The following HSF4 variants were observed in gnomAD, a reference collection of about 807,000 sequenced individuals.
The protein encoded by HSF4 is heat shock transcription factor 4, also known as heat shock factor protein 4.
Under a neutral mutation model 52.0 loss-of-function variants are expected in HSF4, and 41 were observed. The observed-to-expected ratio is 0.79, with a 90% CI of 0.61 to 1.02. HSF4 has a LOEUF of 1.02. Among genes scored for constraint, HSF4 ranks in the 50% least tolerant of loss-of-function variants. The pLI is 0.00. For missense variants in HSF4, 610 were observed against 651.1 expected (o/e 0.94, Z 0.69); for synonymous variants, 285 against 273.0 (o/e 1.04, Z -0.43).
Position 67,167,764 on chromosome 16 carries a change from G to A in HSF4, c.899G>A (p.Gly300Glu). Reference sequence around the variant, plus strand: ...CTCAAAGAAGAGCCGGCCAGTCCAGGGGGGGATGGCGAGGCCGGGCTGGCC... The same window carrying A: ...CTCAAAGAAGAGCCGGCCAGTCCAGAGGGGGATGGCGAGGCCGGGCTGGCC... Reference protein sequence around the residue: ...ALLKEEPASPGGDGEAGLALA... With the variant: ...ALLKEEPASPEGDGEAGLALA... Residue 300 changes from glycine (G) to glutamate (E), a missense_variant, in exon 9 of 13, where the codon GGG becomes GAG. Transcript: ENST00000521374. The A allele has an allele frequency of 2.5e-6, 4 of 1,605,642 alleles. No individual in the cohort carries two copies. The highest frequency in any genetic ancestry group is 3.4e-6 in the Non-Finnish European group (4 of 1,176,590).
chr16:67,167,050 G>C, intron 6 of HSF4, 70 bp from the exon 7 acceptor site: 1 of 1,608,358 alleles, frequency 6.2e-7, no homozygotes, highest in Non-Finnish European at 8.5e-7. Flanking sequence ...GGGAGGGAGG[G>C]AAGTGCAGGC....
chr16:67,167,770 A>G lies in HSF4; in HGVS notation c.905A>G (p.Asp302Gly). The G allele has an allele frequency of 6.2e-7, 1 of 1,603,384 alleles. No homozygotes were observed. Among genetic ancestry groups the G allele is most frequent in the Non-Finnish European group, 8.5e-7 (1 of 1,175,558 alleles). Reference protein sequence around the residue: ...LKEEPASPGGDGEAGLALAPN... With the variant: ...LKEEPASPGGGGEAGLALAPN... ...GAAGAGCCGGCCAGTCCAGGGGGGG[A>G]TGGCGAGGCCGGGCTGGCCCTGGCC... Residue 302 changes from aspartate to glycine, a missense_variant, in exon 9 of 13, where the codon GAT becomes GGT. Physicochemically the swap from Asp to Gly is moderately conservative, Grantham distance 94. Transcript: ENST00000521374.
chr16:67,165,749 A>C lies in HSF4; in HGVS notation c.263A>C (p.Gln88Pro). ...TTTCGGAAGGTGGTGAGCATCGAGC[A>C]GGGCGGCCTGCTTAGGCCGGAGCGC... ...YGFRKVVSIE[Q>P]GGLLRPERDH... The change falls in exon 3 of 13, where the codon CAG becomes CCG. Residue 88 changes from glutamine to proline, a missense_variant. Physicochemically the swap from Gln to Pro is moderately conservative, Grantham distance 76. Transcript: ENST00000521374. This position sits in a 1 kb window ranked among gnomAD's most constrained non-coding sequence, Gnocchi z 6.9. 6.2e-7 allele frequency: 1 copy of C among 1,611,622 alleles called. No homozygotes were observed. Among genetic ancestry groups the C allele is most frequent in the East Asian group, 2.2e-5 (1 of 44,844 alleles).
In HSF4 at chr16:67,166,646, C is replaced by T. The variant is rs1418504097; in HGVS notation, c.626+24C>T. On this transcript the variant is annotated intron_variant, in intron 6 of 12. Coordinates refer to ENST00000521374, the MANE Select transcript of HSF4 (RefSeq NM_001374675.1). ...CTGTGAGTGAGAAAGCCAAGAAGGC[C>T]CACACCCACTTCCAAGACCCCCCAG... 6 of 1,609,782 alleles carry T rather than the reference C, an allele frequency of 3.7e-6. No homozygotes were observed. The African/African-American group carries it at 4.0e-5, about 11-fold the overall frequency.
rs773147162 is a variant in HSF4 at position 67,164,887 on chromosome 16, G to C, written c.76G>C (p.Ala26Pro). Reference sequence around the variant, plus strand: ...GCCTGCCTTCCTCGGCAAGCTATGGGCGCTGGTGGGGGACCCAGGCACAGA... The same window carrying C: ...GCCTGCCTTCCTCGGCAAGCTATGGCCGCTGGTGGGGGACCCAGGCACAGA... Reference protein sequence around the residue: ...PVPAFLGKLWALVGDPGTDHL... With the variant: ...PVPAFLGKLWPLVGDPGTDHL... The change falls in exon 1 of 13, where the codon GCG becomes CCG. Residue 26 changes from alanine to proline, a missense_variant. Coordinates refer to ENST00000521374, the MANE Select transcript of HSF4 (RefSeq NM_001374675.1). 1 of 1,608,054 alleles carries C rather than the reference G, an allele frequency of 6.2e-7. No individual in the cohort carries two copies. The highest frequency in any genetic ancestry group is 1.7e-5 in the Admixed American group (1 of 59,766).
rs1231023138 is a variant in HSF4, at chr16:67,165,940, C to T, written c.361-6C>T. 5 of 1,578,724 alleles carry T rather than the reference C, an allele frequency of 3.2e-6. No homozygotes were observed. The East Asian group carries it at 9.2e-5, about 29-fold the overall frequency. Reference sequence around the variant, plus strand: ...ACCCAGTCCCGACGGTGCCTCCCGCCTGCAGGTGCCCGCGCTGCGCGGCGA... The same window carrying T: ...ACCCAGTCCCGACGGTGCCTCCCGCTTGCAGGTGCCCGCGCTGCGCGGCGA... On this transcript the variant is annotated splice_region_variant and splice_polypyrimidine_tract_variant and intron_variant, in intron 3 of 12. Transcript: ENST00000521374. This position sits in a 1 kb window ranked among gnomAD's most constrained non-coding sequence, Gnocchi z 6.9.
At chr16:67,164,183 T>C, upstream of HSF4, 1 of 531,550 alleles carries the variant, frequency 1.9e-6, no homozygotes, top group Non-Finnish European at 3.5e-6. Context: ...TGTTTCTGCG[T>C]CCTATTAAAG....
At chr16:67,164,991 G>C in intron 1 of HSF4, 57 bp downstream of exon 1, 1 of 1,511,564 alleles carries the variant, frequency 6.6e-7, no homozygotes. Flanking sequence ...CCACGTCAGT[G>C]AACACCCATG....
rs753215034 is a variant in HSF4 at position 67,164,762 on chromosome 16, C to G, written c.-50C>G. The G allele has an allele frequency of 8.4e-6, 13 of 1,552,910 alleles. No homozygotes were observed. Among genetic ancestry groups the G allele is most frequent in the Non-Finnish European group, 1.1e-5 (13 of 1,159,378 alleles). ...AACGCAGCACTTTCCGCGGCTTTGA[C>G]GAGCCCGCAGCGGCCGGGCCCGAGC... On this transcript the variant is annotated 5_prime_UTR_variant, in exon 1 of 13. Coordinates refer to ENST00000521374, the MANE Select transcript of HSF4 (RefSeq NM_001374675.1).
Position 67,165,860 on chromosome 16 carries a change from G to T in HSF4, c.360+14G>T. 1 of 1,600,030 alleles carries T rather than the reference G, an allele frequency of 6.2e-7. No individual in the cohort carries two copies. The highest frequency in any genetic ancestry group is 8.5e-7 in the Non-Finnish European group (1 of 1,178,726). ...GTGCGGCGCAAGGTGGGGGCGGCCTGCGGGAATGAGCAAAGAGGAGGAGGG... is the reference window on the plus strand; with the variant it reads ...GTGCGGCGCAAGGTGGGGGCGGCCTTCGGGAATGAGCAAAGAGGAGGAGGG... On this transcript the variant is annotated intron_variant, in intron 3 of 12. Coordinates refer to ENST00000521374, the MANE Select transcript of HSF4 (RefSeq NM_001374675.1). This position sits in a 1 kb window ranked among gnomAD's most constrained non-coding sequence, Gnocchi z 6.9.
rs1273311459 is a variant in HSF4 at position 67,169,934 on chromosome 16, T to TG, written c.*149_*150insG. ...GACTATCCCTGCACATAAACTCCGT[T>TG]TTTTTTTTTTCTGTTTCTGGTCTCT... On this transcript the variant is annotated 3_prime_UTR_variant, in exon 13 of 13. Transcript: ENST00000521374. The surrounding 1 kb of genome is among the most constrained non-coding windows in gnomAD (Gnocchi z 4.3). 9 of 745,682 alleles carry TG rather than the reference T, an allele frequency of 1.2e-5. No homozygotes were observed. Among genetic ancestry groups the TG allele is most frequent in the South Asian group, 1.6e-5 (1 of 60,620 alleles). The allele number at this position is 745,682 out of a possible 1,614,324, so 46.2% of individuals were successfully genotyped here.
chr16:67,169,623 T>C lies in HSF4; in HGVS notation c.1325-8T>C, dbSNP rs1292214449. On this transcript the variant is annotated splice_region_variant and splice_polypyrimidine_tract_variant and intron_variant, in intron 12 of 12. Transcript: ENST00000521374. This position sits in a 1 kb window ranked among gnomAD's most constrained non-coding sequence, Gnocchi z 4.3. ...TTCCCCTGGTGAGCGCAGTCCCACT[T>C]CTCCTAGGGAAGGACCCCACGCTCG... 1.9e-6 allele frequency: 3 copies of C among 1,605,568 alleles called. No individual in the cohort carries two copies. The highest frequency in any genetic ancestry group is 2.5e-6 in the Non-Finnish European group (3 of 1,179,908).
chr16:67,165,886 G>C lies in HSF4; in HGVS notation c.360+40G>C, dbSNP rs1567668614. ...CGGGAATGAGCAAAGAGGAGGAGGGGTGCTGGGACTGCCTGCCTTGCTCCT... is the reference window on the plus strand; with the variant it reads ...CGGGAATGAGCAAAGAGGAGGAGGGCTGCTGGGACTGCCTGCCTTGCTCCT... On this transcript the variant is annotated intron_variant, in intron 3 of 12. Coordinates refer to ENST00000521374, the MANE Select transcript of HSF4 (RefSeq NM_001374675.1). This position sits in a 1 kb window ranked among gnomAD's most constrained non-coding sequence, Gnocchi z 6.9. 6.3e-7 allele frequency: 1 copy of C among 1,596,578 alleles called. No homozygotes were observed. Among genetic ancestry groups the C allele is most frequent in the Non-Finnish European group, 8.5e-7 (1 of 1,178,344 alleles).
chr16:67,169,566 C>T lies in HSF4; in HGVS notation c.1325-65C>T. 2 of 1,599,204 alleles carry T rather than the reference C, an allele frequency of 1.3e-6. No homozygotes were observed. The highest frequency in any genetic ancestry group is 1.7e-5 in the Admixed American group (1 of 59,970). On this transcript the variant is annotated intron_variant, in intron 12 of 12. Transcript: ENST00000521374. The surrounding 1 kb of genome is among the most constrained non-coding windows in gnomAD (Gnocchi z 4.3). Reference sequence around the variant, plus strand: ...CTGAGCAGAAGGCAGGCGGGCAGGGCTCTCCTTCCCTGAAGAAAGGAGGGG... The same window carrying T: ...CTGAGCAGAAGGCAGGCGGGCAGGGTTCTCCTTCCCTGAAGAAAGGAGGGG...
At chr16:67,163,811 C>G (rs762926798), upstream of HSF4, 1 of 1,548,676 alleles carries the variant, frequency 6.5e-7, no homozygotes, top group East Asian at 2.3e-5. Context: ...GGCCTACGCT[C>G]GTGGCGTGAT....
chr16:67,166,664 C>A, intron 6 of HSF4, 42 bp downstream of exon 6: 1 of 1,577,350 alleles, frequency 6.3e-7, no homozygotes, highest in Non-Finnish European at 8.7e-7. Context: ...ACTTCCAAGA[C>A]CCCCCAGAAG....
Position 67,165,368 on chromosome 16 carries a change from C to A in HSF4, c.124-154C>A. On this transcript the variant is annotated intron_variant, in intron 1 of 12. Transcript: ENST00000521374. The surrounding 1 kb of genome is among the most constrained non-coding windows in gnomAD (Gnocchi z 6.9). ...GGCTAGGCCTCGGAGCCCGTTCTGG[C>A]CTGGCCTCGACCCATATCCCCGTAA... 1 of 722,404 alleles carries A rather than the reference C, an allele frequency of 1.4e-6. No homozygotes were observed. The highest frequency in any genetic ancestry group is 2.4e-6 in the Non-Finnish European group (1 of 418,738). The allele number at this position is 722,404 out of a possible 1,614,324, so 44.7% of individuals were successfully genotyped here. A position where few individuals can be genotyped will look rare whatever the true frequency, so the allele number is the denominator to read the frequency against.
intron 9 of HSF4, 63 bp from the exon 10 acceptor site, chr16:67,168,768 G>A (rs1196082426): frequency 8.1e-7 from 1 of 1,228,680 alleles, no homozygotes; most frequent in Non-Finnish European, 1.2e-6. Flanking sequence ...TGATGCATCT[G>A]GGTTCCTTGG....
upstream of HSF4, chr16:67,164,063 C>G: frequency 1.4e-6 from 1 of 704,838 alleles, no homozygotes; most frequent in Non-Finnish European, 2.6e-6. Flanking sequence ...CCCTCTCTTG[C>G]CTCCACCCCT....
Sources: allele counts gnomAD v4.1 joint callset, GRCh38; gene constraint gnomAD v4.1.1; non-coding constraint Gnocchi (gnomAD v3.1); transcripts MANE v1.5; gene names NCBI Gene and HGNC (gene_info 2026-07-23, HGNC 2026-07-21).